Variants in TRIM43B observed in about 807,000 individuals in gnomAD.
TRIM43B encodes tripartite motif-containing protein 43B.
TRIM43B carries 15 observed loss-of-function variants against 27.0 expected under a neutral mutation model. The observed-to-expected ratio is 0.55, with a 90% CI of 0.37 to 0.85. The LOEUF is 0.85. Among genes scored for constraint, TRIM43B ranks in the 40% least tolerant of loss-of-function variants. The probability of loss-of-function intolerance (pLI) is 0.00; values close to 1 mark genes in which losing one functional copy is unlikely to be tolerated. For synonymous variants in TRIM43B, 69 were observed against 97.8 expected (o/e 0.71, Z 1.74); for missense variants, 172 against 289.8 (o/e 0.59, Z 2.95).
intron 3 of TRIM43B, among the ~76,000 whole-genome samples, 195 bp downstream of exon 3, chr2:95,481,397 TTTA>T (rs1683519203): frequency 1.3e-5 from 2 of 152,190 alleles, no homozygotes; most frequent in Non-Finnish European, 2.9e-5. Context: ...AGAATTTATA[TTTA>T]TTTTTTACTT....
At position 95,483,697 on chromosome 2, in the gene TRIM43B, G is replaced by A. The variant is rs1433811355; in HGVS notation, c.-5+909C>T. 3.9e-5 allele frequency among the ~76,000 whole-genome samples: 6 copies of A among 151,988 alleles called. No individual in the cohort carries two copies. The South Asian group carries it at 6.3e-4, about 16-fold the overall frequency. On this transcript the variant is annotated intron_variant, in intron 1 of 6. Coordinates refer to ENST00000639673, the Ensembl canonical transcript of TRIM43B. ...CAAAAAATTAGCCGGGAGTGGTGGA[G>A]GACGCCTGTAGTCCCAGCTACTCTG...
At chr2:95,481,722 C>G in intron 2 of TRIM43B, 32 bp from the exon 3 acceptor site, 1 of 1,599,624 alleles carries the variant, frequency 6.3e-7, no homozygotes, top group Non-Finnish European at 8.5e-7. Context: ...AACAGAAAGT[C>G]AAATACCAAA....
At chr2:95,481,542 T>C in intron 3 of TRIM43B, 53 bp downstream of exon 3, 1 of 1,400,240 alleles carries the variant, frequency 7.1e-7, no homozygotes, top group Non-Finnish European at 9.6e-7. Context: ...ATATAAATGT[T>C]GTCAGCATGC....
At chr2:95,483,705 G>A (rs1453847198) in intron 1 of TRIM43B, among the ~76,000 whole-genome samples, 1 of 151,940 alleles carries the variant, frequency 6.6e-6, no homozygotes, top group Non-Finnish European at 1.5e-5. Flanking sequence ...GAGGACGCCT[G>A]TAGTCCCAGC....
intron 3 of TRIM43B, 114 bp from the exon 4 acceptor site, chr2:95,480,649 T>C: frequency 3.1e-6 from 3 of 977,106 alleles, no homozygotes; most frequent in Non-Finnish European, 4.5e-6. Context: ...ACAAACAGGA[T>C]GATGAGTTAA....
chr2:95,481,337 C>CAG (rs1402272767), intron 3 of TRIM43B, among the ~76,000 whole-genome samples: 4 of 152,112 alleles, frequency 2.6e-5, no homozygotes, highest in Admixed American at 2.6e-4. Flanking sequence ...TCATTTTATA[C>CAG]AGAAAACTGT....
chr2:95,480,614 T>G, intron 3 of TRIM43B, 79 bp from the exon 4 acceptor site: 2 of 1,529,378 alleles, frequency 1.3e-6, no homozygotes, highest in Non-Finnish European at 1.8e-6. Context: ...ATCCTCCTCA[T>G]TCCTTCTTTT....
At chr2:95,482,866 A>T (rs961660455) in intron 1 of TRIM43B, 148 bp from the exon 2 acceptor site, 2 of 1,459,338 alleles carry the variant, frequency 1.4e-6, no homozygotes, top group African/African-American at 2.8e-5. Flanking sequence ...TAGGAAAAAT[A>T]GAAAACTAAG....
At chr2:95,483,087 C>T (rs1234915169) in intron 1 of TRIM43B, among the ~76,000 whole-genome samples, 1 of 152,052 alleles carries the variant, frequency 6.6e-6, no homozygotes, top group Non-Finnish European at 1.5e-5. Flanking sequence ...GTCTTCATTG[C>T]CAGTGATTGG....
chr2:95,481,136 G>T (rs1344120033), intron 3 of TRIM43B, among the ~76,000 whole-genome samples: 1 of 151,732 alleles, frequency 6.6e-6, no homozygotes, highest in Non-Finnish European at 1.5e-5. Context: ...CTTCTCCTCA[G>T]CTTTTCCTCA....
At chr2:95,480,188 A>G in intron 4 of TRIM43B, 117 bp downstream of exon 4, 2 of 1,443,382 alleles carry the variant, frequency 1.4e-6, no homozygotes, top group Non-Finnish European at 1.8e-6. Context: ...ACCGGTGGGA[A>G]TGACTCTCAC....
At chr2:95,484,068 TAAAA>T (rs33962775) in intron 1 of TRIM43B, among the ~76,000 whole-genome samples, 1 of 108,408 alleles carries the variant, frequency 9.2e-6, no homozygotes, top group Non-Finnish European at 1.8e-5. Context: ...TATATAAATT[TAAAA>T]AAAAAAAAAA....
At chr2:95,479,996 AG>A (rs1176487754) in intron 4 of TRIM43B, among the ~76,000 whole-genome samples, 4 of 107,048 alleles carry the variant, frequency 3.7e-5, no homozygotes, top group Non-Finnish European at 7.5e-5. Flanking sequence ...GGTCTTTTTC[AG>A]GGCTAGTCCC....
intron 1 of TRIM43B, among the ~76,000 whole-genome samples, chr2:95,484,123 C>G (rs1398312970): frequency 6.9e-6 from 1 of 145,684 alleles, no homozygotes; most frequent in Non-Finnish European, 1.5e-5. Flanking sequence ...GTAATCCCAA[C>G]ACTTTCAGAG....
intron 1 of TRIM43B, among the ~76,000 whole-genome samples, chr2:95,483,341 T>A (rs1683572237): frequency 6.6e-6 from 1 of 152,278 alleles, no homozygotes; most frequent in African/African-American, 2.4e-5. Context: ...GTTAATTTAA[T>A]CAACAAAAAC....
In TRIM43B at chr2:95,479,412, TAG is replaced by T; in HGVS notation, c.739-6_739-5del. 1 of 156 alleles carries T rather than the reference TAG, an allele frequency of 6.4e-3. No individual in the cohort carries two copies. Among genetic ancestry groups the T allele is most frequent in the Admixed American group, 0.045 (1 of 22 alleles). The allele number at this position is 156 out of a possible 1,614,324, so 0.0% of individuals were successfully genotyped here. ...TTGCCACGATGTCTCCCAAATCCTG[TAG>T]AGAGAGAGAGAAAAAAAAAATGACT... On this transcript the variant is annotated splice_polypyrimidine_tract_variant and splice_region_variant and intron_variant, in intron 4 of 6. Coordinates refer to ENST00000639673, the Ensembl canonical transcript of TRIM43B.
At chr2:95,481,884 A>C (rs187384200) in intron 2 of TRIM43B, among the ~76,000 whole-genome samples, 194 bp from the exon 3 acceptor site, 10 of 152,166 alleles carry the variant, frequency 6.6e-5, no homozygotes, top group African/African-American at 2.2e-4. Context: ...AGGGAACTGA[A>C]GAGTGAAGAT....
At chr2:95,484,368 C>T (rs1390166919) in intron 1 of TRIM43B, among the ~76,000 whole-genome samples, 1 of 151,768 alleles carries the variant, frequency 6.6e-6, no homozygotes, top group East Asian at 1.9e-4. Context: ...GATTCCATCT[C>T]AAAATAAATA....
chr2:95,484,167 G>C (rs1482796197), intron 1 of TRIM43B, among the ~76,000 whole-genome samples: 1 of 151,172 alleles, frequency 6.6e-6, no homozygotes, highest in Non-Finnish European at 1.5e-5. Flanking sequence ...TCAAGAGATG[G>C]AGACCATCCT....
Sources: allele counts gnomAD v4.1 joint callset (sites outside exome capture counted in the v4.1 genomes callset), GRCh38; gene constraint gnomAD v4.1.1; transcripts MANE v1.5; gene names NCBI Gene and HGNC (gene_info 2026-07-23, HGNC 2026-07-21).